The following DOT1L variants were observed in gnomAD, a reference collection of about 807,000 sequenced individuals.
DOT1L encodes the protein DOT1 like histone lysine methyltransferase.
Under a neutral mutation model 153.3 loss-of-function variants are expected in DOT1L, and 33 were observed. The observed-to-expected ratio is 0.22, with a 90% CI of 0.16 to 0.29. DOT1L has a LOEUF of 0.29. DOT1L is among the 10% of genes least tolerant of loss of function. DOT1L has a pLI of 1.00. For missense variants in DOT1L, 1,847 were observed against 2,119.9 expected, an observed-to-expected ratio of 0.87 and a Z score of 2.53; for synonymous variants, 1,135 against 965.1, an observed-to-expected ratio of 1.18 and a Z score of -3.26.
chr19:2,229,273 T>G, intron 27 of DOT1L: 2 of 985,442 alleles, frequency 2.0e-6, no homozygotes, highest in Non-Finnish European at 2.4e-6. Flanking sequence ...TCCAGGGACA[T>G]GGCGTGCCTG....
Position 2,188,480 on chromosome 19 carries a change from G to GCCC in DOT1L, c.201-1240_201-1238dup, listed in dbSNP as rs375314788. Among the ~76,000 whole-genome samples the GCCC allele has an allele frequency of 1.3e-4, 9 of 66,996 alleles. 1 individual carries two copies. Among genetic ancestry groups the GCCC allele is most frequent in the Admixed American group, 1.6e-4 (1 of 6,356 alleles). 44.0% of individuals were successfully genotyped at this position (66,996 alleles called of 152,430 possible). ...GCGGAGGAAAGAGTCCCCAGCCGCC[G>GCCC]CCCCCCCCCCCCCCACCCGCACAGG... On this transcript the variant is annotated intron_variant, in intron 3 of 27. Coordinates refer to ENST00000398665, the MANE Select transcript of DOT1L (RefSeq NM_032482.3).
At position 2,216,562 on chromosome 19, in the gene DOT1L, GC is replaced by G; in HGVS notation, c.2209del (p.Gln737SerfsTer30). The G allele has an allele frequency of 1.2e-6, 2 of 1,609,824 alleles. No homozygotes were observed. Among genetic ancestry groups the G allele is most frequent in the Non-Finnish European group, 8.5e-7 (1 of 1,179,870 alleles). On this transcript the variant is annotated frameshift_variant, in exon 20 of 28. Coordinates refer to ENST00000398665, the MANE Select transcript of DOT1L (RefSeq NM_032482.3). LOFTEE classifies it high-confidence loss of function. ...GCCGGCCTTCGTCGAAGCAGAACACGCCCCAGTACCTGGCCTCACCCCTGGA... is the reference window on the plus strand; with the variant it reads ...GCCGGCCTTCGTCGAAGCAGAACACGCCCAGTACCTGGCCTCACCCCTGGA... Reference protein sequence around the residue: ...LSRPSSKQNTPQYLASPLDQE... With the variant: ...LSRPSSKQNTXQYLASPLDQE...
At chr19:2,188,305 CCAGGG>C in intron 3 of DOT1L, 1 of 152,470 alleles carries the variant, frequency 6.6e-6, no homozygotes, top group Non-Finnish European at 1.5e-5. Context: ...TTCAGGGTGG[CCAGGG>C]CAGGGCAGGA....
Position 2,211,230 on chromosome 19 carries a change from G to A in DOT1L, c.1465+18G>A, listed in dbSNP as rs373496915. The A allele has an allele frequency of 2.7e-5, 42 of 1,583,942 alleles. No individual in the cohort carries two copies. The highest frequency in any genetic ancestry group is 5.4e-5 in the African/African-American group (4 of 74,368). ...GCTTCTAGGTGAGCCCGTGTGAGGC[G>A]TCCGGCGAAGGGTTCTGGGCTTGGG... On this transcript the variant is annotated intron_variant, in intron 15 of 27. Transcript: ENST00000398665.
intron 1 of DOT1L, among the ~76,000 whole-genome samples, chr19:2,179,222 C>T (rs557241578): frequency 6.6e-6 from 1 of 152,316 alleles, no homozygotes; most frequent in Non-Finnish European, 1.5e-5. Flanking sequence ...TTGCGTCCCG[C>T]TGGGCCTTGG....
In DOT1L at chr19:2,207,055, G is replaced by T. The variant is rs902188119; in HGVS notation, c.856+258G>T. On this transcript the variant is annotated intron_variant, in intron 10 of 27. Coordinates refer to ENST00000398665, the MANE Select transcript of DOT1L (RefSeq NM_032482.3). The surrounding 1 kb of genome is among the most constrained non-coding windows in gnomAD (Gnocchi z 4.5). ...TGCCATGGGGGTAGAATCACTCCTC[G>T]GGGAGACCCCGGCTTCGAGGGGAGG... 6.6e-6 allele frequency among the ~76,000 whole-genome samples: 1 copy of T among 152,178 alleles called. No individual in the cohort carries two copies. The highest frequency in any genetic ancestry group is 1.5e-5 in the Non-Finnish European group (1 of 68,032).
At chr19:2,213,273 G>T (rs958501473) in intron 16 of DOT1L, 3 of 400,342 alleles carry the variant, frequency 7.5e-6, no homozygotes, top group Admixed American at 8.4e-5. Flanking sequence ...CGTGGCTGGG[G>T]GCGCTGCCCT....
intron 12 of DOT1L, 72 bp from the exon 13 acceptor site, chr19:2,210,328 G>T: frequency 7.5e-7 from 1 of 1,335,956 alleles, no homozygotes; most frequent in Non-Finnish European, 9.9e-7. Flanking sequence ...TCTGAGCTCC[G>T]CGTGCCTCTC....
intron 1 of DOT1L, among the ~76,000 whole-genome samples, chr19:2,169,682 T>G (rs1158350984): frequency 6.6e-6 from 1 of 152,134 alleles, no homozygotes; most frequent in Non-Finnish European, 1.5e-5. Context: ...AAAAATCTGC[T>G]TGTTATCTGC....
rs113710780 is a variant in DOT1L at position 2,214,766 on chromosome 19, C to T, written c.1923+170C>T. On this transcript the variant is annotated intron_variant, in intron 19 of 27. Transcript: ENST00000398665. ...CTTCTGTCTTGGGCCGCAGGCTGCC[C>T]GTGTGGATGACTCTGCCTCACTCTA... The T allele has an allele frequency of 1.9e-5, 19 of 1,001,524 alleles. No individual in the cohort carries two copies. The African/African-American group carries it at 2.0e-4, about 10-fold the overall frequency. The allele number at this position is 1,001,524 out of a possible 1,614,324, so 62.0% of individuals were successfully genotyped here. A position where few individuals can be genotyped will look rare whatever the true frequency, so the allele number is the denominator to read the frequency against.
chr19:2,164,718 C>T (rs1256699206), intron 1 of DOT1L, among the ~76,000 whole-genome samples: 2 of 152,134 alleles, frequency 1.3e-5, no homozygotes, highest in East Asian at 1.9e-4. Context: ...GCTTTTCCTA[C>T]TCGGGCACGG....
chr19:2,229,138 G>A, intron 27 of DOT1L: 3 of 985,410 alleles, frequency 3.0e-6, no homozygotes, highest in South Asian at 4.7e-5. Flanking sequence ...AGACCAGAAG[G>A]AAGTTGGAAG....
chr19:2,184,179 G>C (rs1365513554), intron 2 of DOT1L, among the ~76,000 whole-genome samples: 2 of 152,142 alleles, frequency 1.3e-5, no homozygotes, highest in African/African-American at 2.4e-5. Context: ...GTGATGAGAA[G>C]TGACTGCAGA....
At chr19:2,171,075 C>A (rs1279515814) in intron 1 of DOT1L, among the ~76,000 whole-genome samples, 1 of 152,212 alleles carries the variant, frequency 6.6e-6, no homozygotes, top group South Asian at 2.1e-4. Context: ...GGATTCTCTT[C>A]CTTCAGCCTC....
At chr19:2,219,148 A>G (rs538179538) in intron 22 of DOT1L, among the ~76,000 whole-genome samples, 3 of 152,208 alleles carry the variant, frequency 2.0e-5, no homozygotes, top group Non-Finnish European at 4.4e-5. Context: ...ATGGGATGAC[A>G]GGCATGAGCC....
intron 1 of DOT1L, among the ~76,000 whole-genome samples, chr19:2,167,709 G>A (rs1230131449): frequency 1.3e-5 from 2 of 151,892 alleles, no homozygotes; most frequent in Non-Finnish European, 2.9e-5. Flanking sequence ...AGAAGTGAGG[G>A]GTGGTTCTGA....
chr19:2,171,748 T>TC (rs1568326281), intron 1 of DOT1L, among the ~76,000 whole-genome samples: 3 of 152,288 alleles, frequency 2.0e-5, no homozygotes, highest in South Asian at 2.1e-4. Flanking sequence ...CTGCGTGCAG[T>TC]CCCCGCCCAC....
At chr19:2,189,890 C>T in intron 4 of DOT1L, 95 bp downstream of exon 4, 5 of 1,338,596 alleles carry the variant, frequency 3.7e-6, no homozygotes, top group South Asian at 1.2e-5. Flanking sequence ...CACAGAGCTC[C>T]CCTTAGAGCC....
At chr19:2,167,769 T>G (rs1182089236) in intron 1 of DOT1L, among the ~76,000 whole-genome samples, 2 of 149,758 alleles carry the variant, frequency 1.3e-5, no homozygotes, top group South Asian at 4.2e-4. Context: ...AGAGTCTTGC[T>G]CTATCGCCCA....
Sources: allele counts gnomAD v4.1 joint callset (sites outside exome capture counted in the v4.1 genomes callset), GRCh38; gene constraint gnomAD v4.1.1; non-coding constraint Gnocchi (gnomAD v3.1); transcripts MANE v1.5; gene names NCBI Gene and HGNC (gene_info 2026-07-23, HGNC 2026-07-21).